TLCD4: variants seen among roughly 807,000 people sequenced by gnomAD.
The protein encoded by TLCD4 is TLC domain containing 4, also known as TLC domain-containing protein 4.
In TLCD4, 7 loss-of-function variants were observed where a neutral mutation model predicts 24.2. The observed-to-expected ratio is 0.29, with a 90% CI of 0.16 to 0.54. The LOEUF is 0.54. Among genes scored for constraint, TLCD4 ranks in the 20% least tolerant of loss-of-function variants. The pLI, the probability that TLCD4 is intolerant of heterozygous loss-of-function variation, is 0.95. For synonymous variants in TLCD4, 103 were observed against 106.4 expected, an observed-to-expected ratio of 0.97 and a Z score of 0.20; for missense variants, 259 against 313.9, an observed-to-expected ratio of 0.82 and a Z score of 1.32.
chr1:95,181,607 T>A (rs6593613), intron 6 of TLCD4, among the ~76,000 whole-genome samples: 136,526 of 141,522 alleles, frequency 0.96, 65,886 homozygotes, highest in Non-Finnish European at 1. Flanking sequence ...TTATTTATTT[T>A]TTTTTTTGAG....
intron 5 of TLCD4, among the ~76,000 whole-genome samples, chr1:95,153,438 T>G (rs1273332132): frequency 6.6e-6 from 1 of 152,248 alleles, no homozygotes; most frequent in African/African-American, 2.4e-5. Flanking sequence ...AACTATAAAC[T>G]GAAACAAATG....
At chr1:95,100,562 G>A in the TLCD4 span, among the ~76,000 whole-genome samples, 1 of 152,074 alleles carries the variant, frequency 6.6e-6, no homozygotes, top group Non-Finnish European at 1.5e-5. Context: ...ACAACAGAGT[G>A]AGACTCTGTC....
At chr1:95,156,274 A>G (rs1326178815) in intron 5 of TLCD4, among the ~76,000 whole-genome samples, 1 of 152,182 alleles carries the variant, frequency 6.6e-6, no homozygotes, top group Non-Finnish European at 1.5e-5. Flanking sequence ...AAAAGTAGGG[A>G]AGGCTTTCTA....
chr1:95,151,524 A>G (rs1677490029), intron 5 of TLCD4, 105 bp downstream of exon 5: 6 of 1,308,016 alleles, frequency 4.6e-6, no homozygotes, highest in Non-Finnish European at 6.3e-6. Flanking sequence ...TTTAAAGACC[A>G]TCTCCAGATG....
chr1:95,173,283 C>T (rs988645087), intron 5 of TLCD4, among the ~76,000 whole-genome samples: 3 of 150,950 alleles, frequency 2.0e-5, no homozygotes, highest in African/African-American at 4.9e-5. Context: ...AACTCCTCAT[C>T]TTCTGAAATT....
At chr1:95,109,958 T>TATAC in the TLCD4 span, among the ~76,000 whole-genome samples, 3 of 108,068 alleles carry the variant, frequency 2.8e-5, no homozygotes, top group East Asian at 3.0e-4. Flanking sequence ...TATATATATA[T>TATAC]ACACACACAC....
At position 95,192,007 on chromosome 1, in the gene TLCD4, A is replaced by G; in HGVS notation, c.*139A>G. The G allele has an allele frequency of 6.9e-7, 1 of 1,442,288 alleles. No homozygotes were observed. 89.3% of individuals were successfully genotyped at this position (1,442,288 alleles called of 1,614,324 possible). On this transcript the variant is annotated 3_prime_UTR_variant, in exon 7 of 7. Transcript: ENST00000370203. Reference sequence around the variant, plus strand: ...AGTGTCATTTTTTTTAAACCTTAGAAAAGAGAAGGCCGGGCACGGTGGCTC... The same window carrying G: ...AGTGTCATTTTTTTTAAACCTTAGAGAAGAGAAGGCCGGGCACGGTGGCTC...
At chr1:95,103,742 T>C in the TLCD4 span, among the ~76,000 whole-genome samples, 3 of 152,256 alleles carry the variant, frequency 2.0e-5, no homozygotes, top group South Asian at 6.2e-4. Context: ...CTATTGGTTA[T>C]GGTTTTTTAT....
intron 6 of TLCD4, among the ~76,000 whole-genome samples, chr1:95,182,397 T>G (rs1379217303): frequency 6.6e-6 from 1 of 152,202 alleles, no homozygotes; most frequent in Non-Finnish European, 1.5e-5. Flanking sequence ...ATGCCTTATG[T>G]GTACTTCCCA....
intron 6 of TLCD4, among the ~76,000 whole-genome samples, chr1:95,175,369 T>G (rs1678384108): frequency 6.6e-6 from 1 of 152,256 alleles, no homozygotes; most frequent in Admixed American, 6.5e-5. Flanking sequence ...GACAGGATTT[T>G]CTTCTTTTTA....
intron 6 of TLCD4, among the ~76,000 whole-genome samples, chr1:95,186,113 A>G (rs571849936): frequency 6.6e-6 from 1 of 152,330 alleles, no homozygotes; most frequent in East Asian, 1.9e-4. Context: ...GGGTAATGAT[A>G]TTTATTGAAT....
the TLCD4 span, among the ~76,000 whole-genome samples, chr1:95,103,258 C>T: frequency 8.5e-5 from 13 of 152,248 alleles, no homozygotes; most frequent in East Asian, 9.7e-4. Flanking sequence ...GGATTACAGA[C>T]GTGAGCCACT....
intron 5 of TLCD4, among the ~76,000 whole-genome samples, chr1:95,162,909 A>G (rs1393039108): frequency 2.6e-5 from 4 of 151,780 alleles, no homozygotes; most frequent in Non-Finnish European, 4.4e-5. Context: ...GGGTAACCCA[A>G]CCTTTCTCTC....
chr1:95,093,354 T>C, the TLCD4 span, among the ~76,000 whole-genome samples: 1 of 152,300 alleles, frequency 6.6e-6, no homozygotes, highest in South Asian at 2.1e-4. Flanking sequence ...CAAATGGAAG[T>C]TTTTATTGTG....
At chr1:95,096,094 A>T in the TLCD4 span, among the ~76,000 whole-genome samples, 2 of 152,234 alleles carry the variant, frequency 1.3e-5, no homozygotes, top group Admixed American at 6.5e-5. Context: ...AGCAGAAGGT[A>T]CACTAACAGC....
At chr1:95,096,288 C>A in the TLCD4 span, among the ~76,000 whole-genome samples, 2 of 152,182 alleles carry the variant, frequency 1.3e-5, no homozygotes, top group Non-Finnish European at 2.9e-5. Flanking sequence ...GGAACATAAC[C>A]TTTGTATTGA....
chr1:95,112,009 T>C, the TLCD4 span, among the ~76,000 whole-genome samples: 2 of 152,208 alleles, frequency 1.3e-5, no homozygotes, highest in African/African-American at 4.8e-5. Flanking sequence ...TAAGGAATTA[T>C]TTTGGTCAAG....
intron 1 of TLCD4, chr1:95,125,440 AATGGCAATCTT>A (rs1050473805): frequency 9.2e-5 from 14 of 152,226 alleles, no homozygotes; most frequent in African/African-American, 3.4e-4. Flanking sequence ...AGTTTTAGGC[AATGGCAATCTT>A]ATGGGAAGAG....
the TLCD4 span, among the ~76,000 whole-genome samples, chr1:95,106,965 G>C: frequency 6.6e-6 from 1 of 152,102 alleles, no homozygotes. Flanking sequence ...GTCTAAAACA[G>C]GAACTTCGGT....
Sources: allele counts gnomAD v4.1 joint callset (sites outside exome capture counted in the v4.1 genomes callset), GRCh38; gene constraint gnomAD v4.1.1; transcripts MANE v1.5; gene names NCBI Gene and HGNC (gene_info 2026-07-23, HGNC 2026-07-21).